The following CRYGB variants were observed in gnomAD, a reference collection of about 807,000 sequenced individuals.
CRYGB encodes the protein crystallin gamma B, also known as gamma-crystallin B.
CRYGB carries 19 observed loss-of-function variants against 21.3 expected under a neutral mutation model. The observed-to-expected ratio is 0.89, with a 90% CI of 0.62 to 1.31. The LOEUF is 1.31. Among genes scored for constraint, CRYGB ranks in the 50% most tolerant of loss-of-function variants. The pLI, the probability that CRYGB is intolerant of heterozygous loss-of-function variation, is 0.00. For missense variants in CRYGB, 254 were observed against 228.4 expected, an observed-to-expected ratio of 1.11 and a Z score of -0.72; for synonymous variants, 81 against 81.2, an observed-to-expected ratio of 1.00 and a Z score of 0.01.
At chr2:208,145,342 A>C (rs1695440209) in intron 2 of CRYGB, among the ~76,000 whole-genome samples, 1 of 151,692 alleles carries the variant, frequency 6.6e-6, no homozygotes, top group Non-Finnish European at 1.5e-5. Flanking sequence ...TCCCGGCTTC[A>C]AGCAAGCAAT....
chr2:208,143,408 A>T (rs1432435757), intron 2 of CRYGB, among the ~76,000 whole-genome samples: 1 of 151,744 alleles, frequency 6.6e-6, no homozygotes, highest in African/African-American at 2.4e-5. Flanking sequence ...CCTCTCCCCT[A>T]TTGTTTATGT....
intron 2 of CRYGB, 131 bp from the exon 3 acceptor site, chr2:208,143,044 C>A: frequency 1.0e-6 from 1 of 992,118 alleles, no homozygotes; most frequent in Non-Finnish European, 1.4e-6. Flanking sequence ...CTAGAACAAC[C>A]CTGTTGCAAA....
chr2:208,145,676 G>A (rs1293816621), intron 2 of CRYGB, 98 bp downstream of exon 2: 47 of 1,458,346 alleles, frequency 3.2e-5, no homozygotes, highest in Admixed American at 2.0e-4. Context: ...GGGACAGAGC[G>A]AGACTCCGCC....
At chr2:208,143,074 C>T (rs1695386407) in intron 2 of CRYGB, among the ~76,000 whole-genome samples, 161 bp from the exon 3 acceptor site, 5 of 152,310 alleles carry the variant, frequency 3.3e-5, no homozygotes, top group Middle Eastern at 3.4e-3. Flanking sequence ...CTGTCACACT[C>T]CCCAGTCACC....
rs2105869186 is a variant in CRYGB at position 208,142,625 on chromosome 2, A to G, written c.*13T>C. On this transcript the variant is annotated 3_prime_UTR_variant, in exon 3 of 3. Coordinates refer to ENST00000260988, the MANE Select transcript of CRYGB (RefSeq NM_005210.4). ...TTAGATTTTAAAGGAGAAAAGTGGA[A>G]AACGTAAATACTTCAGTACAAATCC... 1 of 1,453,602 alleles carries G rather than the reference A, an allele frequency of 6.9e-7. No homozygotes were observed. Among genetic ancestry groups the G allele is most frequent in the Non-Finnish European group, 9.1e-7 (1 of 1,101,742 alleles). 90.0% of individuals were successfully genotyped at this position (1,453,602 alleles called of 1,614,324 possible). A position where few individuals can be genotyped will look rare whatever the true frequency, so the allele number is the denominator to read the frequency against.
rs1211323075 is a variant in CRYGB, at chr2:208,144,592, C to CT, written c.252+1181dup. Among the ~76,000 whole-genome samples, 1,176 of 136,216 alleles carry CT rather than the reference C, an allele frequency of 8.6e-3. 12 individuals are homozygous for CT. The highest frequency in any genetic ancestry group is 0.024 in the African/African-American group (894 of 36,940). 89.4% of individuals were successfully genotyped at this position (136,216 alleles called of 152,430 possible). A position where few individuals can be genotyped will look rare whatever the true frequency, so the allele number is the denominator to read the frequency against. On this transcript the variant is annotated intron_variant, in intron 2 of 2. Coordinates refer to ENST00000260988, the MANE Select transcript of CRYGB (RefSeq NM_005210.4). ...CTAATTTTCAGTTCAAATTTCTTTT[C>CT]TTTTTTTTTTTTTTTTGAGACGGAA...
At chr2:208,145,559 C>T (rs1419784266) in intron 2 of CRYGB, among the ~76,000 whole-genome samples, 2 of 151,346 alleles carry the variant, frequency 1.3e-5, no homozygotes, top group African/African-American at 4.9e-5. Context: ...CATGGTGGTG[C>T]ATGCCTGTAA....
chr2:208,142,997 A>T (rs1695383996), intron 2 of CRYGB, 84 bp from the exon 3 acceptor site: 1 of 1,440,956 alleles, frequency 6.9e-7, no homozygotes, highest in African/African-American at 1.4e-5. Context: ...CTCCCTGGCC[A>T]CACCTGCCCA....
intron 2 of CRYGB, among the ~76,000 whole-genome samples, chr2:208,144,022 GTT>G (rs4021949): frequency 1.5e-5 from 2 of 134,040 alleles, no homozygotes; most frequent in Admixed American, 7.7e-5. Flanking sequence ...TTCTTTCTGG[GTT>G]TTTTTTTTTT....
chr2:208,144,735 C>T lies in CRYGB; in HGVS notation c.252+1039G>A, dbSNP rs547223561. 2.4e-4 allele frequency among the ~76,000 whole-genome samples: 36 copies of T among 151,988 alleles called. No individual in the cohort carries two copies. The South Asian group carries it at 5.6e-3, about 24-fold the overall frequency. On this transcript the variant is annotated intron_variant, in intron 2 of 2. Coordinates refer to ENST00000260988, the MANE Select transcript of CRYGB (RefSeq NM_005210.4). ...CCTCCCAAGTAGCTGAGACTACAGG[C>T]GCGTGCCACCAAGCCCAGCTAATTT...
In CRYGB at chr2:208,146,155, G is replaced by GT; in HGVS notation, c.-36dup. On this transcript the variant is annotated 5_prime_UTR_variant, in exon 1 of 3. Coordinates refer to ENST00000260988, the MANE Select transcript of CRYGB (RefSeq NM_005210.4). ...AGTGAGCAGATGTTTTCTGGTTGCT[G>GT]TGTGGGACTGCGGGAACGTCACTGT... 6.2e-7 allele frequency: 1 copy of GT among 1,613,134 alleles called. No homozygotes were observed.
chr2:208,143,508 G>GT (rs1406797460), intron 2 of CRYGB, among the ~76,000 whole-genome samples: 143 of 101,490 alleles, frequency 1.4e-3, no homozygotes, highest in Non-Finnish European at 1.7e-3. Context: ...CTTATCTACT[G>GT]TTTTTTTTTT....
chr2:208,144,089 C>T (rs1399086386), intron 2 of CRYGB, among the ~76,000 whole-genome samples: 8 of 144,732 alleles, frequency 5.5e-5, no homozygotes, highest in Non-Finnish European at 9.0e-5. Flanking sequence ...GGCGTGATCT[C>T]GGCTCACCAC....
At chr2:208,143,738 T>A (rs886563280) in intron 2 of CRYGB, among the ~76,000 whole-genome samples, 4 of 151,704 alleles carry the variant, frequency 2.6e-5, no homozygotes, top group Admixed American at 6.6e-5. Context: ...CCGTCAGGAG[T>A]TCAGGCGATC....
In CRYGB at chr2:208,145,871, T is replaced by G. The variant is rs1695458163; in HGVS notation, c.155A>C (p.Gln52Pro). The change falls in exon 2 of 3, where the codon CAG (glutamine) becomes CCG (proline). Residue 52 changes from glutamine to proline, a missense_variant. Physicochemically the swap from Gln to Pro is moderately conservative, Grantham distance 76 (BLOSUM62 -1). Transcript: ENST00000260988. ...ACGCCGCAGGAAGTACTGGTGGCCC[T>G]GGTAGTTGGGGCGCTCATAGATCAT... ...CWMIYERPNYQGHQYFLRRGE... is the reference protein window; with the variant it reads ...CWMIYERPNYPGHQYFLRRGE... 2 of 1,614,036 alleles carry G rather than the reference T, an allele frequency of 1.2e-6. No homozygotes were observed. The highest frequency in any genetic ancestry group is 4.5e-5 in the East Asian group (2 of 44,860).
In CRYGB at chr2:208,143,488, C is replaced by A. The variant is rs186308093; in HGVS notation, c.253-575G>T. Among the ~76,000 whole-genome samples the A allele has an allele frequency of 3.2e-3, 475 of 147,582 alleles. 3 individuals carry two copies. The highest frequency in any genetic ancestry group is 5.7e-3 in the Non-Finnish European group (374 of 66,166). On this transcript the variant is annotated intron_variant, in intron 2 of 2. Transcript: ENST00000260988. ...GAAAGCTGATCAAGGGCTCAAAGAA[C>A]CTTTTGTCTCTTATCTACTGTTTTT...
rs1156439290 is a variant in CRYGB at position 208,142,838 on chromosome 2, A to C, written c.328T>G (p.Cys110Gly). ...TGGAAGCGGTCCTGAACAGAGATAC[A>C]GTCGTCTGTGAGCTCTGACATTTGT... ...RGQMSELTDD[C>G]ISVQDRFHLT... is the part of the protein sequence containing the mutation. The change falls in exon 3 of 3, where the codon TGT (cysteine) becomes GGT (glycine). Residue 110 changes from cysteine to glycine, a missense_variant. Cys to Gly is a radical substitution (Grantham distance 159). Transcript: ENST00000260988. The C allele has an allele frequency of 6.2e-7, 1 of 1,614,166 alleles. No individual in the cohort carries two copies. The highest frequency in any genetic ancestry group is 8.5e-7 in the Non-Finnish European group (1 of 1,180,010).
intron 2 of CRYGB, among the ~76,000 whole-genome samples, chr2:208,144,026 T>TTTTG (rs1695408452): frequency 6.6e-6 from 1 of 150,474 alleles, no homozygotes; most frequent in South Asian, 2.1e-4. Flanking sequence ...TTCTGGGTTT[T>TTTTG]TTTTTTTTTT....
chr2:208,145,562 G>A (rs1168781241), intron 2 of CRYGB, among the ~76,000 whole-genome samples: 4 of 151,440 alleles, frequency 2.6e-5, no homozygotes, highest in Admixed American at 6.6e-5. Flanking sequence ...GGTGGTGCAT[G>A]CCTGTAATCC....
Sources: gnomAD v4.1 joint callset for allele counts (sites outside exome capture counted in the v4.1 genomes callset) on GRCh38, gnomAD v4.1.1 for gene constraint, MANE v1.5 for transcripts, NCBI Gene and HGNC (gene_info 2026-07-23, HGNC 2026-07-21) for gene names.